Variants in GUCY2C observed in about 807,000 individuals in gnomAD.
GUCY2C encodes guanylate cyclase 2C, also known as guanylyl cyclase C.
Under a neutral mutation model 131.1 loss-of-function variants are expected in GUCY2C, and 118 were observed. That is an observed-to-expected ratio of 0.90 (90% CI 0.78 to 1.05). The LOEUF is 1.05. Ranked by LOEUF, GUCY2C falls within the 50% of genes least tolerant of loss-of-function variation. GUCY2C has a pLI of 0.00. For missense variants in GUCY2C, 1,161 were observed against 1,304.4 expected (o/e 0.89, Z 1.69); for synonymous variants, 452 against 457.8 (o/e 0.99, Z 0.16).
intron 10 of GUCY2C, among the ~76,000 whole-genome samples, chr12:14,668,939 G>C (rs1195464360): frequency 6.6e-6 from 1 of 152,124 alleles, no homozygotes; most frequent in Admixed American, 6.5e-5. Context: ...TATGTGTCCA[G>C]TATGGGAACA....
chr12:14,628,906 A>G (rs369684537), intron 19 of GUCY2C, among the ~76,000 whole-genome samples, 169 bp from the exon 20 acceptor site: 56 of 152,312 alleles, frequency 3.7e-4, no homozygotes, highest in African/African-American at 1.3e-3. Context: ...CTCAGGCATG[A>G]CCACCTGCAT....
intron 25 of GUCY2C, 103 bp from the exon 26 acceptor site, chr12:14,615,046 G>T (rs756301960): frequency 1.0e-5 from 6 of 580,568 alleles, no homozygotes; most frequent in Non-Finnish European, 1.8e-5. Context: ...TTTCACTTCC[G>T]CATTTCTCAT....
rs1948465594 is a variant in GUCY2C at position 14,686,176 on chromosome 12, G to A, written c.380C>T (p.Ser127Phe). The A allele has an allele frequency of 1.3e-6, 2 of 1,596,406 alleles. No homozygotes were observed. The highest frequency in any genetic ancestry group is 1.7e-6 in the Non-Finnish European group (2 of 1,163,916). The change falls in exon 3 of 27, where the codon TCC becomes TTC. Residue 127 changes from serine to phenylalanine, a missense_variant. Transcript: ENST00000261170. ...TATTACTTACTACATCTGGAAGGTG[G>A]AGTATGTACATGAGGGCCCTATGAG... is the stretch of plus-strand genomic sequence containing the variant. ...CVLIGPSCTY[S>F]TFQMYLDTEL...
At chr12:14,620,987 T>C (rs1946883762) in intron 23 of GUCY2C, 55 bp downstream of exon 23, 6 of 1,334,366 alleles carry the variant, frequency 4.5e-6, no homozygotes, top group African/African-American at 1.5e-5. Context: ...TCTGATTTAG[T>C]TGGTGCACAG....
chr12:14,695,859 T>C lies in GUCY2C; in HGVS notation c.217+373A>G, dbSNP rs1170108385. Among the ~76,000 whole-genome samples the C allele has an allele frequency of 2.0e-5, 3 of 152,200 alleles. No homozygotes were observed. The South Asian group carries it at 6.2e-4, about 32-fold the overall frequency. On this transcript the variant is annotated intron_variant, in intron 1 of 26. Coordinates refer to ENST00000261170, the MANE Select transcript of GUCY2C (RefSeq NM_004963.4). ...TTTTTGAAGAGATGGAGTCTTGCTA[T>C]GTTGCCCAGGCTGGTCTTGAACTCC...
intron 8 of GUCY2C, 192 bp downstream of exon 8, chr12:14,674,431 CTG>C: frequency 3.1e-6 from 2 of 650,992 alleles, no homozygotes; most frequent in Non-Finnish European, 5.5e-6. Context: ...TTCTAAAAGA[CTG>C]AAACATAAAC....
At chr12:14,639,485 G>A (rs1219713529) in intron 19 of GUCY2C, among the ~76,000 whole-genome samples, 1 of 152,104 alleles carries the variant, frequency 6.6e-6, no homozygotes, top group Admixed American at 6.6e-5. Context: ...AGCCTTTGCA[G>A]ATATAATTAA....
intron 10 of GUCY2C, among the ~76,000 whole-genome samples, chr12:14,665,264 A>T (rs1279516651): frequency 6.6e-6 from 1 of 152,062 alleles, no homozygotes; most frequent in African/African-American, 2.4e-5. Flanking sequence ...ATTCCGGTTA[A>T]ATCTTGAGGA....
Position 14,649,519 on chromosome 12 carries a change from G to A in GUCY2C, c.1710+1888C>T, listed in dbSNP as rs758139047. Among the ~76,000 whole-genome samples, 69 of 151,988 alleles carry A rather than the reference G, an allele frequency of 4.5e-4. 1 individual carries two copies. The highest frequency in any genetic ancestry group is 2.6e-4 in the Admixed American group (4 of 15,252). ...TAGTTGTGAATATAGATGAAGAAAC[G>A]TACTAAAATACTAGAAATGCTAAGC... On this transcript the variant is annotated intron_variant, in intron 15 of 26. Coordinates refer to ENST00000261170, the MANE Select transcript of GUCY2C (RefSeq NM_004963.4).
At chr12:14,666,962 C>T (rs1175761670) in intron 10 of GUCY2C, among the ~76,000 whole-genome samples, 2 of 152,008 alleles carry the variant, frequency 1.3e-5, no homozygotes, top group Non-Finnish European at 2.9e-5. Context: ...AATATAACGT[C>T]CCTGTAGGAT....
intron 1 of GUCY2C, among the ~76,000 whole-genome samples, chr12:14,690,375 A>G (rs1948552390): frequency 6.6e-6 from 1 of 152,154 alleles, no homozygotes; most frequent in Admixed American, 6.6e-5. Context: ...CCATATTTAG[A>G]TGAAAGCAAG....
At chr12:14,665,908 T>C (rs1254584513) in intron 10 of GUCY2C, 1 of 152,162 alleles carries the variant, frequency 6.6e-6, no homozygotes, top group Non-Finnish European at 1.5e-5. Flanking sequence ...CCAAGGTTCG[T>C]CATCGCGTGA....
At chr12:14,623,889 T>C (rs1946949086) in intron 21 of GUCY2C, among the ~76,000 whole-genome samples, 1 of 152,154 alleles carries the variant, frequency 6.6e-6, no homozygotes, top group Non-Finnish European at 1.5e-5. Context: ...CAGCCATGCT[T>C]CTTGAACACC....
At chr12:14,673,153 TA>T in intron 8 of GUCY2C, among the ~76,000 whole-genome samples, 195 bp from the exon 9 acceptor site, 1 of 152,222 alleles carries the variant, frequency 6.6e-6, no homozygotes, top group Non-Finnish European at 1.5e-5. Flanking sequence ...AGGGCATTTT[TA>T]TGGGAGATGT....
chr12:14,647,110 G>T (rs1947537803), intron 15 of GUCY2C, among the ~76,000 whole-genome samples: 1 of 152,118 alleles, frequency 6.6e-6, no homozygotes. Flanking sequence ...GAATGAAAAG[G>T]TCCTATTATC....
intron 9 of GUCY2C, 69 bp downstream of exon 9, chr12:14,672,804 C>T (rs973179353): frequency 2.4e-6 from 2 of 822,806 alleles, no homozygotes; most frequent in East Asian, 2.5e-5. Context: ...TGCTAGTGCT[C>T]CTCTTCCAAG....
intron 9 of GUCY2C, 145 bp from the exon 10 acceptor site, chr12:14,669,978 G>A: frequency 1.9e-6 from 1 of 524,228 alleles, no homozygotes; most frequent in Non-Finnish European, 3.3e-6. Context: ...AGCTAGTTAG[G>A]ATCATTTATT....
chr12:14,682,204 C>T (rs1026909766), intron 4 of GUCY2C, among the ~76,000 whole-genome samples: 1 of 152,128 alleles, frequency 6.6e-6, no homozygotes, highest in African/African-American at 2.4e-5. Context: ...TGTCCCCACC[C>T]AAATATCATC....
intron 19 of GUCY2C, among the ~76,000 whole-genome samples, chr12:14,630,558 A>G (rs1186066702): frequency 1.3e-5 from 2 of 152,206 alleles, no homozygotes; most frequent in Non-Finnish European, 2.9e-5. Context: ...TAGTATTTAC[A>G]TCATGTTAGG....
Sources: gnomAD v4.1 joint callset for allele counts (sites outside exome capture counted in the v4.1 genomes callset) on GRCh38, gnomAD v4.1.1 for gene constraint, MANE v1.5 for transcripts, NCBI Gene and HGNC (gene_info 2026-07-23, HGNC 2026-07-21) for gene names.